Variants in EP400 observed in about 807,000 individuals in gnomAD.
EP400 encodes E1A-binding protein p400.
In EP400, 105 loss-of-function variants were observed where a neutral mutation model predicts 354.1. The observed-to-expected ratio is 0.30, with a 90% CI of 0.25 to 0.35. EP400 has a LOEUF of 0.35. Among genes scored for constraint, EP400 ranks in the 10% least tolerant of loss-of-function variants. EP400 has a pLI of 1.00. For synonymous variants in EP400, 1,646 were observed against 1,716.9 expected, an observed-to-expected ratio of 0.96 and a Z score of 1.02; for missense variants, 3,280 against 4,121.0, an observed-to-expected ratio of 0.80 and a Z score of 5.59.
At chr12:132,012,042 G>C (rs1347744975) in intron 16 of EP400, among the ~76,000 whole-genome samples, 1 of 152,222 alleles carries the variant, frequency 6.6e-6, no homozygotes. Flanking sequence ...ATGCCTAATA[G>C]ATAACGTTTC....
At chr12:131,984,751 C>T (rs1164251660) in intron 5 of EP400, among the ~76,000 whole-genome samples, 1 of 150,948 alleles carries the variant, frequency 6.6e-6, no homozygotes, top group Admixed American at 6.6e-5. Context: ...CAGGGTGGAG[C>T]GCAGTGGCAC....
intron 4 of EP400, among the ~76,000 whole-genome samples, chr12:131,981,884 T>G (rs1444751445): frequency 1.3e-4 from 20 of 152,206 alleles, no homozygotes; most frequent in Non-Finnish European, 2.5e-4. Flanking sequence ...TGCCCTGTGG[T>G]GATCTGGTGC....
At chr12:132,055,465 T>TGTGTGTGTGAGGTGTAGGG (rs1310447876) in intron 45 of EP400, among the ~76,000 whole-genome samples, 2 of 144,312 alleles carry the variant, frequency 1.4e-5, no homozygotes, top group African/African-American at 5.2e-5. Context: ...GGTGTGTGTG[T>TGTGTGTGTGAGGTGTAGGG]GTGTGTGTGA....
chr12:132,019,701 T>C (rs1210515298), intron 21 of EP400, among the ~76,000 whole-genome samples: 1 of 152,216 alleles, frequency 6.6e-6, no homozygotes, highest in African/African-American at 2.4e-5. Context: ...ATGTTTCTCC[T>C]CACTCCCCTC....
rs1315928410 is a variant in EP400 at position 132,027,064 on chromosome 12, G to A, written c.5015-373G>A. ...GGCAAGGGCCTCACAGTCATCAGGC[G>A]GTCACCTGGGCTAGGAGGTGGCCAT... is the stretch of plus-strand genomic sequence containing the variant. On this transcript the variant is annotated intron_variant, in intron 25 of 52. Transcript: ENST00000389561. The surrounding 1 kb of genome is among the most constrained non-coding windows in gnomAD (Gnocchi z 4.9). Among the ~76,000 whole-genome samples, 2 of 152,314 alleles carry A rather than the reference G, an allele frequency of 1.3e-5. No homozygotes were observed. The highest frequency in any genetic ancestry group is 1.9e-4 in the East Asian group (1 of 5,180).
chr12:132,045,888 A>G lies in EP400; in HGVS notation c.7188A>G (p.Arg2396=), dbSNP rs1281925677. Residue 2396 remains arginine, a synonymous_variant, in exon 39 of 53, where the codon CGA becomes CGG. Coordinates refer to ENST00000389561, the MANE Select transcript of EP400 (RefSeq NM_015409.5). ...GCTACGAGAATGTCATCATTCCACG[A>G]GAGGAGGGGAAGGTAAGCACGGTCT... The part of the protein sequence containing the change: ...RNRYENVIIP[R]EEGKSKNNRP... The G allele has an allele frequency of 3.7e-6, 6 of 1,614,074 alleles. No homozygotes were observed. The highest frequency in any genetic ancestry group is 5.1e-6 in the Non-Finnish European group (6 of 1,180,034).
At chr12:131,979,110 G>A (rs956585083) in intron 2 of EP400, among the ~76,000 whole-genome samples, 6 of 152,002 alleles carry the variant, frequency 3.9e-5, no homozygotes, top group East Asian at 3.9e-4. Flanking sequence ...CCAGCTACTC[G>A]GGAGGCTGAG....
chr12:131,999,967 GT>G (rs1407107856), intron 12 of EP400, among the ~76,000 whole-genome samples: 2 of 146,148 alleles, frequency 1.4e-5, no homozygotes, highest in African/African-American at 2.5e-5. Context: ...CTTGTCAAAA[GT>G]TTGTCAGATT....
At chr12:131,992,963 A>C (rs933956017) in intron 11 of EP400, among the ~76,000 whole-genome samples, 1 of 152,186 alleles carries the variant, frequency 6.6e-6, no homozygotes, top group African/African-American at 2.4e-5. Flanking sequence ...TTTATTTGGA[A>C]GTCAACAGGG....
In EP400 at chr12:132,018,315, G is replaced by A. The variant is rs935134708; in HGVS notation, c.4216G>A (p.Glu1406Lys). The change falls in exon 21 of 53, where the codon GAA becomes AAA. Residue 1406 changes from glutamate (E) to lysine (K), a missense_variant. Coordinates refer to ENST00000389561, the MANE Select transcript of EP400 (RefSeq NM_015409.5). The surrounding 1 kb of genome is among the most constrained non-coding windows in gnomAD (Gnocchi z 4.0). The stretch of plus-strand genomic sequence containing the variant: ...AAAGATACCGCGGAAACTCATGGAG[G>A]AAATCTCCACTTCAGCAGCCCCAGC... ...KKKIPRKLME[E>K]ISTSAAPAAR... is the part of the protein sequence containing the mutation. 1.3e-5 allele frequency: 21 copies of A among 1,613,234 alleles called. No individual in the cohort carries two copies. Among genetic ancestry groups the A allele is most frequent in the Non-Finnish European group, 1.8e-5 (21 of 1,179,856 alleles).
rs1895316298 is a variant in EP400, at chr12:132,052,246, C to T, written c.7395-900C>T. Among the ~76,000 whole-genome samples the T allele has an allele frequency of 1.3e-5, 2 of 152,178 alleles. No homozygotes were observed. The highest frequency in any genetic ancestry group is 2.4e-5 in the African/African-American group (1 of 41,452). On this transcript the variant is annotated intron_variant, in intron 41 of 52. Coordinates refer to ENST00000389561, the MANE Select transcript of EP400 (RefSeq NM_015409.5). This position sits in a 1 kb window ranked among gnomAD's most constrained non-coding sequence, Gnocchi z 4.4. Reference sequence around the variant, plus strand: ...TTGCCTCGGCACCTGAGTGGCTTGCCGCCCACAGTTGTCACACAGTGGCGG... The same window carrying T: ...TTGCCTCGGCACCTGAGTGGCTTGCTGCCCACAGTTGTCACACAGTGGCGG...
At chr12:132,069,248 G>C in intron 50 of EP400, 1 of 490,344 alleles carries the variant, frequency 2.0e-6, no homozygotes, top group Non-Finnish European at 3.6e-6. Flanking sequence ...CGGGTGGGGT[G>C]GGCTGCAGGC....
chr12:132,000,200 G>C (rs1044346402), intron 12 of EP400, among the ~76,000 whole-genome samples: 4 of 151,750 alleles, frequency 2.6e-5, no homozygotes, highest in Non-Finnish European at 2.9e-5. Flanking sequence ...AATATTTTCT[G>C]ATTTCCCCTG....
intron 51 of EP400, 137 bp downstream of exon 51, chr12:132,069,778 T>G (rs1896015124): frequency 4.5e-6 from 6 of 1,324,112 alleles, no homozygotes; most frequent in Non-Finnish European, 6.1e-6. Context: ...TGTTGTCTCC[T>G]GGCCTCAGGT....
chr12:132,044,829 C>G lies in EP400; in HGVS notation c.6660C>G (p.Asp2220Glu), dbSNP rs147763834. The G allele has an allele frequency of 1.2e-6, 2 of 1,614,146 alleles. No homozygotes were observed. Among genetic ancestry groups the G allele is most frequent in the Non-Finnish European group, 1.7e-6 (2 of 1,180,026 alleles). The change falls in exon 37 of 53, where the codon GAC (aspartate) becomes GAG (glutamate). Residue 2220 changes from aspartate to glutamate, a missense_variant. Around this residue, in one of 20 missense-constraint regions of EP400, gnomAD observed 231 missense variants for 257.9 expected, o/e 0.90. Coordinates refer to ENST00000389561, the MANE Select transcript of EP400 (RefSeq NM_015409.5). The part of the protein sequence containing the change: ...PLWTPPTPPQ[D>E]DSDIYLDSVM... ...GGACCCCACCCACCCCGCCGCAGGA[C>G]GACAGCGACATCTACCTCGACTCGG...
At position 132,018,180 on chromosome 12, in the gene EP400, C is replaced by T; in HGVS notation, c.4111-30C>T. 1 of 1,606,126 alleles carries T rather than the reference C, an allele frequency of 6.2e-7. No individual in the cohort carries two copies. Among genetic ancestry groups the T allele is most frequent in the Non-Finnish European group, 8.5e-7 (1 of 1,178,256 alleles). On this transcript the variant is annotated intron_variant, in intron 20 of 52. Coordinates refer to ENST00000389561, the MANE Select transcript of EP400 (RefSeq NM_015409.5). The surrounding 1 kb of genome is among the most constrained non-coding windows in gnomAD (Gnocchi z 4.0). ...TAGGTGCTTTTTTTGCCTCTTCATG[C>T]AGCAAGACTTTTTTTCTTTTTCTCT... is the stretch of plus-strand genomic sequence containing the variant.
rs572436794 is a variant in EP400, at chr12:132,011,994, A to G, written c.3441+360A>G. Among the ~76,000 whole-genome samples the G allele has an allele frequency of 7.2e-5, 11 of 152,374 alleles. No individual in the cohort carries two copies. In the South Asian group the frequency reaches 2.1e-3, roughly 29 times the overall value. ...CACAGAGGAGAAGCTAGGTGCTCCC[A>G]GCTCTGAATTTAAAACCCATAGAAC... On this transcript the variant is annotated intron_variant, in intron 16 of 52. Coordinates refer to ENST00000389561, the MANE Select transcript of EP400 (RefSeq NM_015409.5).
intron 9 of EP400, 144 bp from the exon 10 acceptor site, chr12:131,991,263 G>GTGA (rs891671650): frequency 1.3e-6 from 1 of 750,262 alleles, no homozygotes; most frequent in African/African-American, 1.7e-5. Flanking sequence ...ACTGCCCTGC[G>GTGA]TGATGATGAT....
At chr12:131,959,456 C>T (rs58161695) in intron 1 of EP400, among the ~76,000 whole-genome samples, 2,347 of 152,302 alleles carry the variant, frequency 0.015, 62 homozygotes, top group African/African-American at 0.053. Flanking sequence ...CCAGGTCTGA[C>T]CCTGTCTCAC....
Sources: allele counts gnomAD v4.1 joint callset (sites outside exome capture counted in the v4.1 genomes callset), GRCh38; gene constraint gnomAD v4.1.1; regional missense constraint gnomAD v4.1.1; non-coding constraint Gnocchi (gnomAD v3.1); transcripts MANE v1.5; gene names NCBI Gene and HGNC (gene_info 2026-07-23, HGNC 2026-07-21).